Variants in RRBP1 observed in about 807,000 individuals in gnomAD.
RRBP1 encodes ribosome binding protein 1.
Under a neutral mutation model 165.2 loss-of-function variants are expected in RRBP1, and 94 were observed. The ratio of observed to expected loss-of-function variants is 0.57; its 90% CI spans 0.48 to 0.68. The LOEUF (loss-of-function observed/expected upper bound fraction) is 0.68. Among genes scored for constraint, RRBP1 ranks in the 30% least tolerant of loss-of-function variants. RRBP1 has a pLI of 0.00. For missense variants in RRBP1, 1,676 were observed against 1,763.0 expected, an observed-to-expected ratio of 0.95 and a Z score of 0.88; for synonymous variants, 680 against 714.5, an observed-to-expected ratio of 0.95 and a Z score of 0.77.
chr20:17,657,880 A>G (rs1382532002), intron 3 of RRBP1, among the ~76,000 whole-genome samples: 3 of 152,202 alleles, frequency 2.0e-5, no homozygotes, highest in Non-Finnish European at 4.4e-5. Flanking sequence ...CTCCTTAAAA[A>G]CACCTTCCTA....
At chr20:17,623,927 G>A (rs1215937059) in intron 13 of RRBP1, among the ~76,000 whole-genome samples, 5 of 149,388 alleles carry the variant, frequency 3.3e-5, no homozygotes, top group African/African-American at 1.0e-4. Context: ...GCAAGACACC[G>A]TCTCAAAAAA....
intron 15 of RRBP1, 62 bp from the exon 16 acceptor site, chr20:17,621,609 C>G (rs1053752899): frequency 1.3e-6 from 2 of 1,589,428 alleles, no homozygotes; most frequent in Non-Finnish European, 1.7e-6. Flanking sequence ...CTTGGCTTCC[C>G]GTTGAAATGA....
At position 17,633,504 on chromosome 20, in the gene RRBP1, C is replaced by T; in HGVS notation, c.2566G>A (p.Glu856Lys). The T allele has an allele frequency of 6.2e-7, 1 of 1,614,016 alleles. No homozygotes were observed. ...RQDEQQRKAL[E>K]AKAAAFEKQV... is the part of the protein sequence containing the mutation. ...TTCTCGAAGGCAGCTGCCTTGGCTT[C>T]CAGAGCTTTCCGCTGCTGCTCATCT... The change falls in exon 8 of 25, where the codon GAA (glutamate) becomes AAA (lysine). Residue 856 changes from glutamate to lysine, a missense_variant. Glu to Lys is a moderately conservative substitution (Grantham distance 56). Coordinates refer to ENST00000377813, the MANE Select transcript of RRBP1 (RefSeq NM_001365613.2).
chr20:17,614,267 T>C (rs1244541898), intron 24 of RRBP1, 47 bp from the exon 25 acceptor site: 2 of 1,596,008 alleles, frequency 1.3e-6, no homozygotes, highest in East Asian at 2.2e-5. Flanking sequence ...CCACGAGCCA[T>C]GGCAGAACCA....
In RRBP1 at chr20:17,618,568, C is replaced by T. The variant is rs769310513; in HGVS notation, c.3759+28G>A. On this transcript the variant is annotated intron_variant, in intron 20 of 24. Coordinates refer to ENST00000377813, the MANE Select transcript of RRBP1 (RefSeq NM_001365613.2). ...ACACGCAACGCCCCAGGTCACACTC[C>T]TGGCATGGGGACATGGAGGCCACCT... 5.7e-6 allele frequency: 9 copies of T among 1,575,810 alleles called. No homozygotes were observed. The South Asian group carries it at 7.7e-5, about 14-fold the overall frequency.
chr20:17,656,043 G>C lies in RRBP1; in HGVS notation c.1912+2553C>G, dbSNP rs79399189. ...TTTAAGAAGCACTTCAGGAGGGGAC[G>C]TCTCCAGGATCCTCACGGTGTCTGG... On this transcript the variant is annotated intron_variant, in intron 3 of 24. Coordinates refer to ENST00000377813, the MANE Select transcript of RRBP1 (RefSeq NM_001365613.2). Among the ~76,000 whole-genome samples the C allele has an allele frequency of 9.2e-5, 14 of 152,318 alleles. No homozygotes were observed. The East Asian group carries it at 2.7e-3, about 29-fold the overall frequency.
chr20:17,655,329 TGAAGA>T (rs943660457), intron 3 of RRBP1, among the ~76,000 whole-genome samples: 7 of 152,214 alleles, frequency 4.6e-5, no homozygotes, highest in African/African-American at 1.7e-4. Flanking sequence ...TTTTGACTTT[TGAAGA>T]GAAAACTACT....
In RRBP1 at chr20:17,644,168, C is replaced by T. The variant is rs143422271; in HGVS notation, c.1913-1041G>A. Among the ~76,000 whole-genome samples, 164 of 152,262 alleles carry T rather than the reference C, an allele frequency of 1.1e-3. 1 individual carries two copies. The highest frequency in any genetic ancestry group is 6.8e-3 in the Middle Eastern group (2 of 294). On this transcript the variant is annotated intron_variant, in intron 3 of 24. Transcript: ENST00000377813. ...ACAAGTCAAAGCATTTGGCACGATA[C>T]CTTAATGAGGGGAACGTGGGATGTG...
chr20:17,618,537 T>C (rs970529812), intron 20 of RRBP1, 59 bp downstream of exon 20: 1 of 1,278,976 alleles, frequency 7.8e-7, no homozygotes, highest in Admixed American at 1.7e-5. Context: ...GGCAAATGCA[T>C]CTCACACACG....
intron 23 of RRBP1, 67 bp downstream of exon 23, chr20:17,615,364 G>T: frequency 7.6e-7 from 1 of 1,318,818 alleles, no homozygotes; most frequent in Non-Finnish European, 1.0e-6. Context: ...CCCTTTCCGA[G>T]GCCAAGAGTG....
At chr20:17,614,602 GCC>G in intron 24 of RRBP1, 133 bp downstream of exon 24, 1 of 1,133,408 alleles carries the variant, frequency 8.8e-7, no homozygotes, top group Non-Finnish European at 1.2e-6. Context: ...GCCCAGCTCT[GCC>G]TCCCCTGGGG....
Position 17,642,962 on chromosome 20 carries a change from C to G in RRBP1, c.2061+17G>C, listed in dbSNP as rs1398116246. The G allele has an allele frequency of 1.9e-6, 3 of 1,611,326 alleles. No individual in the cohort carries two copies. In the South Asian group the frequency reaches 3.3e-5, roughly 18 times the overall value. On this transcript the variant is annotated intron_variant, in intron 4 of 24. Transcript: ENST00000377813. ...TGCAGTGGCCTCTGAGCATGGCCAG[C>G]AGGAGGGTGGGCCCACCTTGTGCCA...
intron 3 of RRBP1, among the ~76,000 whole-genome samples, chr20:17,646,596 C>T (rs1281206094): frequency 6.6e-6 from 1 of 152,230 alleles, no homozygotes; most frequent in Non-Finnish European, 1.5e-5. Context: ...GGAACCATGC[C>T]TGGCGCAGGG....
At chr20:17,625,478 C>A (rs1456417971) in intron 12 of RRBP1, 34 bp downstream of exon 12, 1 of 1,593,578 alleles carries the variant, frequency 6.3e-7, no homozygotes. Context: ...GCTTCCCTGG[C>A]CCGTCCGTCC....
chr20:17,679,921 T>G (rs1334222723), intron 2 of RRBP1, 78 bp downstream of exon 2: 1 of 152,154 alleles, frequency 6.6e-6, no homozygotes, highest in Non-Finnish European at 1.5e-5. Context: ...AACCTTAGCC[T>G]CCTCCAGGCC....
intron 13 of RRBP1, among the ~76,000 whole-genome samples, chr20:17,622,288 A>G (rs2035931233): frequency 6.6e-6 from 1 of 152,120 alleles, no homozygotes; most frequent in South Asian, 2.1e-4. Context: ...GCATGTGTGC[A>G]TGTGTGGGGG....
chr20:17,621,803 G>A, intron 14 of RRBP1, 30 bp from the exon 15 acceptor site: 1 of 1,613,378 alleles, frequency 6.2e-7, no homozygotes, highest in Non-Finnish European at 8.5e-7. Flanking sequence ...GTGAGACCCG[G>A]GGACATTCCC....
chr20:17,619,790 C>T (rs1189429549), intron 18 of RRBP1, 62 bp from the exon 19 acceptor site: 11 of 1,263,962 alleles, frequency 8.7e-6, no homozygotes, highest in Non-Finnish European at 1.2e-5. Context: ...AGGGCACTCA[C>T]CTCAGGGAGC....
chr20:17,645,014 T>C (rs2036436949), intron 3 of RRBP1, among the ~76,000 whole-genome samples: 1 of 152,218 alleles, frequency 6.6e-6, no homozygotes, highest in South Asian at 2.1e-4. Flanking sequence ...GGCCTATTCC[T>C]TTCCAGAACC....
Sources: allele counts gnomAD v4.1 joint callset (sites outside exome capture counted in the v4.1 genomes callset), GRCh38; gene constraint gnomAD v4.1.1; transcripts MANE v1.5; gene names NCBI Gene and HGNC (gene_info 2026-07-23, HGNC 2026-07-21).